The following FAM168B variants were observed in gnomAD, a reference collection of about 807,000 sequenced individuals.
The protein encoded by FAM168B is myelin-associated neurite-outgrowth inhibitor.
In FAM168B, 19 loss-of-function variants were observed where a neutral mutation model predicts 21.8. The ratio of observed to expected loss-of-function variants is 0.87; its 90% confidence interval spans 0.61 to 1.28. FAM168B has a LOEUF of 1.28. Ranked by LOEUF, FAM168B falls within the 50% of genes most tolerant of loss-of-function variation. The pLI is 0.00. For synonymous variants in FAM168B, 126 were observed against 104.8 expected (o/e 1.20, Z -1.24); for missense variants, 233 against 263.1 (o/e 0.89, Z 0.79).
In FAM168B at chr2:131,071,522, C is replaced by G. The variant is rs143096320; in HGVS notation, c.154+333G>C. On this transcript the variant is annotated intron_variant, in intron 3 of 6. Coordinates refer to ENST00000389915, the MANE Select transcript of FAM168B (RefSeq NM_001009993.4). ...AAAGTAGTCTAACCAAAAATTATCT[C>G]TAAAAACATTAACATGGAAATTCCA... Among the ~76,000 whole-genome samples, 101 of 152,286 alleles carry G rather than the reference C, an allele frequency of 6.6e-4. 1 individual carries two copies. The East Asian group carries it at 0.018, about 26-fold the overall frequency.
At chr2:131,074,303 AT>A (rs1266782736) in intron 2 of FAM168B, among the ~76,000 whole-genome samples, 1 of 152,120 alleles carries the variant, frequency 6.6e-6, no homozygotes, top group East Asian at 1.9e-4. Context: ...TAATGTTTGT[AT>A]TTTTAGTAGA....
chr2:131,051,164 A>G lies in FAM168B; in HGVS notation c.*1301T>C. 1.0e-6 allele frequency: 1 copy of G among 985,302 alleles called. No individual in the cohort carries two copies. Among genetic ancestry groups the G allele is most frequent in the Non-Finnish European group, 1.2e-6 (1 of 829,928 alleles). The allele number at this position is 985,302 out of a possible 1,614,324, so 61.0% of individuals were successfully genotyped here. A position where few individuals can be genotyped will look rare whatever the true frequency, so the allele number is the denominator to read the frequency against. On this transcript the variant is annotated 3_prime_UTR_variant, in exon 7 of 7. Transcript: ENST00000389915. ...CCTCAGCTGCAAAAGAGATGGCAGG[A>G]GAGGCTCGCAGACAACAGACACTGG... is the stretch of plus-strand genomic sequence containing the variant.
chr2:131,084,326 A>C (rs1301539428), intron 1 of FAM168B, among the ~76,000 whole-genome samples: 2 of 150,640 alleles, frequency 1.3e-5, no homozygotes, highest in Non-Finnish European at 2.9e-5. Context: ...AGGAGCTGGG[A>C]CTACAGGTGT....
chr2:131,071,502 A>G (rs1252600731), intron 3 of FAM168B, among the ~76,000 whole-genome samples: 6 of 152,268 alleles, frequency 3.9e-5, no homozygotes, highest in Non-Finnish European at 8.8e-5. Flanking sequence ...GTGCTAAAGT[A>G]GTCTAACCAA....
At chr2:131,084,608 A>T (rs1693590616) in intron 1 of FAM168B, among the ~76,000 whole-genome samples, 1 of 151,836 alleles carries the variant, frequency 6.6e-6, no homozygotes, top group Admixed American at 6.6e-5. Context: ...TCATCCATGG[A>T]TCTTTCTTTT....
intron 1 of FAM168B, among the ~76,000 whole-genome samples, chr2:131,091,884 C>T (rs1694049352): frequency 6.6e-6 from 1 of 150,970 alleles, no homozygotes; most frequent in African/African-American, 2.4e-5. Context: ...AATCCCAGCA[C>T]TTTGGAAGGT....
chr2:131,054,349 T>C (rs1199632937), intron 5 of FAM168B, among the ~76,000 whole-genome samples: 1 of 152,088 alleles, frequency 6.6e-6, no homozygotes, highest in East Asian at 1.9e-4. Flanking sequence ...AGTCCCTTTA[T>C]GGACCAGCAC....
At chr2:131,072,055 C>T (rs1573789263) in intron 2 of FAM168B, 117 bp from the exon 3 acceptor site, 2 of 813,520 alleles carry the variant, frequency 2.5e-6, no homozygotes, top group East Asian at 2.6e-5. Flanking sequence ...CTTAAGCAGC[C>T]CCAAGAGCAC....
At position 131,051,857 on chromosome 2, in the gene FAM168B, TC is replaced by T. The variant is rs1398651074; in HGVS notation, c.*607del. ...AAGCAGCTGTGGCTTCCCTACTCTCTCCCAAACCTCGCAACTCCCTCCCAGG... is the reference window on the plus strand; with the variant it reads ...AAGCAGCTGTGGCTTCCCTACTCTCTCCAAACCTCGCAACTCCCTCCCAGG... On this transcript the variant is annotated 3_prime_UTR_variant, in exon 7 of 7. Transcript: ENST00000389915. 3 of 985,236 alleles carry T rather than the reference TC, an allele frequency of 3.0e-6. No homozygotes were observed. The highest frequency in any genetic ancestry group is 4.7e-5 in the South Asian group (1 of 21,290). 61.0% of individuals were successfully genotyped at this position (985,236 alleles called of 1,614,324 possible).
At chr2:131,092,090 G>A (rs919168162) in intron 1 of FAM168B, among the ~76,000 whole-genome samples, 12 of 151,404 alleles carry the variant, frequency 7.9e-5, no homozygotes, top group East Asian at 1.9e-4. Flanking sequence ...CTTGCAGTGA[G>A]CCGAGATGGC....
intron 3 of FAM168B, among the ~76,000 whole-genome samples, chr2:131,064,235 A>T (rs1337494424): frequency 1.3e-5 from 2 of 149,252 alleles, no homozygotes; most frequent in East Asian, 3.9e-4. Context: ...TAAATAGGTC[A>T]TTTTTTTTTT....
intron 3 of FAM168B, among the ~76,000 whole-genome samples, chr2:131,064,015 A>G (rs562497054): frequency 1.3e-5 from 2 of 152,276 alleles, no homozygotes; most frequent in East Asian, 3.9e-4. Flanking sequence ...ATTCAGTGCT[A>G]GGTCTTTCCA....
intron 2 of FAM168B, among the ~76,000 whole-genome samples, chr2:131,075,696 G>A (rs1693117153): frequency 6.6e-6 from 1 of 151,942 alleles, no homozygotes; most frequent in Non-Finnish European, 1.5e-5. Flanking sequence ...CACCATGTTA[G>A]CCAGGATGGT....
chr2:131,064,303 C>T (rs1391967067), intron 3 of FAM168B, among the ~76,000 whole-genome samples: 2 of 151,710 alleles, frequency 1.3e-5, no homozygotes, highest in South Asian at 2.1e-4. Context: ...TAAAAAAAGA[C>T]ATTTATTTAG....
At chr2:131,061,052 CGT>C (rs1282996510) in intron 3 of FAM168B, among the ~76,000 whole-genome samples, 1 of 150,932 alleles carries the variant, frequency 6.6e-6, no homozygotes, top group Non-Finnish European at 1.5e-5. Flanking sequence ...GGGGTTTCAC[CGT>C]GTTAGCCAGG....
intron 5 of FAM168B, among the ~76,000 whole-genome samples, chr2:131,053,437 G>A (rs531571135): frequency 2.0e-5 from 3 of 152,302 alleles, no homozygotes; most frequent in Non-Finnish European, 2.9e-5. Flanking sequence ...AGTACCTGGA[G>A]TAGTCAAATT....
chr2:131,082,107 T>C (rs1031172129), intron 2 of FAM168B, among the ~76,000 whole-genome samples: 3 of 152,200 alleles, frequency 2.0e-5, no homozygotes, highest in Admixed American at 2.0e-4. Context: ...TAAAGGGATG[T>C]GGATCAGGCC....
Position 131,080,375 on chromosome 2 carries a change from C to T in FAM168B, c.70+2202G>A, listed in dbSNP as rs971938791. Among the ~76,000 whole-genome samples, 7 of 151,244 alleles carry T rather than the reference C, an allele frequency of 4.6e-5. No individual in the cohort carries two copies. The East Asian group carries it at 1.4e-3, about 30-fold the overall frequency. ...GCAACAACAGAAAAAGAGGGGCTCACGCTTATAATCACAGCACTTTGGGAG... is the reference window on the plus strand; with the variant it reads ...GCAACAACAGAAAAAGAGGGGCTCATGCTTATAATCACAGCACTTTGGGAG... On this transcript the variant is annotated intron_variant, in intron 2 of 6. Coordinates refer to ENST00000389915, the MANE Select transcript of FAM168B (RefSeq NM_001009993.4).
At chr2:131,087,115 G>C (rs934675419) in intron 1 of FAM168B, among the ~76,000 whole-genome samples, 2 of 151,198 alleles carry the variant, frequency 1.3e-5, no homozygotes, top group Non-Finnish European at 2.9e-5. Flanking sequence ...TGTTCTGAGG[G>C]CTGAGAGGGG....
Sources: allele counts gnomAD v4.1 joint callset (sites outside exome capture counted in the v4.1 genomes callset), GRCh38; gene constraint gnomAD v4.1.1; transcripts MANE v1.5; gene names NCBI Gene and HGNC (gene_info 2026-07-23, HGNC 2026-07-21).